Variants in PRKG1 observed in about 807,000 individuals in gnomAD.
PRKG1 encodes cGMP-dependent protein kinase 1.
PRKG1 carries 35 observed loss-of-function variants against 88.1 expected under a neutral mutation model. The observed-to-expected ratio is 0.40, with a 90% CI of 0.30 to 0.53. The LOEUF is 0.53. Among genes scored for constraint, PRKG1 ranks in the 20% least tolerant of loss-of-function variants. PRKG1 has a pLI of 0.59. For synonymous variants in PRKG1, 303 were observed against 292.5 expected (o/e 1.04, Z -0.37); for missense variants, 540 against 839.8 (o/e 0.64, Z 4.41).
intron 7 of PRKG1, among the ~76,000 whole-genome samples, chr10:52,092,260 T>G (rs1234202110): frequency 6.6e-6 from 1 of 152,174 alleles, no homozygotes; most frequent in Admixed American, 6.5e-5. Context: ...TGCTCCAGCC[T>G]ATTTATGTGT....
chr10:51,736,605 C>A (rs1371429914), intron 3 of PRKG1, among the ~76,000 whole-genome samples: 1 of 137,688 alleles, frequency 7.3e-6, no homozygotes, highest in South Asian at 2.3e-4. Flanking sequence ...ATCCATCTTA[C>A]TTTTTTTTTT....
chr10:51,210,037 TA>T (rs1247639976), intron 2 of PRKG1, among the ~76,000 whole-genome samples: 1 of 151,972 alleles, frequency 6.6e-6, no homozygotes, highest in Non-Finnish European at 1.5e-5. Context: ...TTTCTCGCAA[TA>T]AAAAAATGAG....
intron 3 of PRKG1, among the ~76,000 whole-genome samples, chr10:51,773,199 A>G (rs1001628231): frequency 6.6e-6 from 1 of 152,080 alleles, no homozygotes. Flanking sequence ...GATTTATGCT[A>G]TAGTTGACTT....
intron 8 of PRKG1, among the ~76,000 whole-genome samples, chr10:52,148,256 A>G (rs1243646505): frequency 1.3e-5 from 2 of 152,132 alleles, no homozygotes; most frequent in African/African-American, 2.4e-5. Context: ...TGCTACTGTT[A>G]TCTTAGTGGG....
chr10:52,129,341 A>G (rs776302132), intron 7 of PRKG1, among the ~76,000 whole-genome samples: 1 of 152,220 alleles, frequency 6.6e-6, no homozygotes, highest in Non-Finnish European at 1.5e-5. Flanking sequence ...GACCCATAAA[A>G]GATATAAACA....
At position 51,979,410 on chromosome 10, in the gene PRKG1, G is replaced by GTTTTTTTTTTTTTTTT. The variant is rs61150252; in HGVS notation, c.762+71849_762+71864dup. ...CAATATTCATCATGGATATTGGTCT[G>GTTTTTTTTTTTTTTTT]TTTTTTTTTTTTTTTTTTTTTTTTC... On this transcript the variant is annotated intron_variant, in intron 5 of 17. Transcript: ENST00000373980. Among the ~76,000 whole-genome samples the GTTTTTTTTTTTTTTTT allele has an allele frequency of 5.4e-3, 253 of 47,058 alleles. 37 individuals are homozygous for GTTTTTTTTTTTTTTTT. The highest frequency in any genetic ancestry group is 0.038 in the Middle Eastern group (1 of 26). The allele number at this position is 47,058 out of a possible 152,430, so 30.9% of individuals were successfully genotyped here.
At chr10:51,647,514 T>C (rs143375985) in intron 3 of PRKG1, among the ~76,000 whole-genome samples, 130 of 152,318 alleles carry the variant, frequency 8.5e-4, no homozygotes, top group African/African-American at 2.9e-3. Context: ...ATTTATCGTT[T>C]TTGTATCTCC....
chr10:51,194,691 C>T (rs563864380), intron 2 of PRKG1, among the ~76,000 whole-genome samples: 31 of 152,106 alleles, frequency 2.0e-4, no homozygotes, highest in African/African-American at 7.5e-4. Flanking sequence ...GATGCTATAA[C>T]AGAATACTAC....
chr10:51,155,668 G>A (rs1846189497), intron 2 of PRKG1, among the ~76,000 whole-genome samples: 1 of 151,996 alleles, frequency 6.6e-6, no homozygotes, highest in Non-Finnish European at 1.5e-5. Flanking sequence ...TTGTTTATGT[G>A]ATTGTGGAGG....
chr10:51,045,442 C>T (rs1034171702), intron 1 of PRKG1, among the ~76,000 whole-genome samples: 6 of 152,102 alleles, frequency 3.9e-5, no homozygotes, highest in Non-Finnish European at 8.8e-5. Flanking sequence ...CTGCCTCAGC[C>T]TCCCCAAGTA....
intron 2 of PRKG1, among the ~76,000 whole-genome samples, chr10:51,463,242 C>G (rs1313799878): frequency 6.6e-6 from 1 of 151,676 alleles, no homozygotes; most frequent in African/African-American, 2.4e-5. Context: ...CAATGAAGAC[C>G]ATCAGTAAAC....
chr10:51,594,059 C>T (rs1261598790), intron 3 of PRKG1, among the ~76,000 whole-genome samples: 1 of 151,944 alleles, frequency 6.6e-6, no homozygotes, highest in East Asian at 1.9e-4. Context: ...GGGTCTTACT[C>T]TGTTGGCTAG....
At chr10:51,265,209 T>TTAA (rs2132166227) in intron 2 of PRKG1, among the ~76,000 whole-genome samples, 1 of 152,222 alleles carries the variant, frequency 6.6e-6, no homozygotes, top group East Asian at 1.9e-4. Context: ...GGTATATAAG[T>TTAA]TAATTAATTT....
intron 2 of PRKG1, among the ~76,000 whole-genome samples, chr10:51,216,020 A>G (rs897979290): frequency 6.6e-6 from 1 of 152,230 alleles, no homozygotes; most frequent in African/African-American, 2.4e-5. Flanking sequence ...GCAAATATTA[A>G]GTGCCAAGGC....
chr10:52,049,233 G>C (rs1454819293), intron 5 of PRKG1, among the ~76,000 whole-genome samples: 1 of 152,110 alleles, frequency 6.6e-6, no homozygotes, highest in Non-Finnish European at 1.5e-5. Context: ...CCAGAAAAAG[G>C]CTTTATGAGG....
intron 3 of PRKG1, among the ~76,000 whole-genome samples, chr10:51,619,352 C>T (rs986331023): frequency 2.6e-5 from 4 of 152,134 alleles, no homozygotes; most frequent in Non-Finnish European, 4.4e-5. Flanking sequence ...TTGATATTAG[C>T]AGGCCCATTT....
At chr10:51,035,170 T>G (rs1309996969) in intron 1 of PRKG1, among the ~76,000 whole-genome samples, 1 of 152,142 alleles carries the variant, frequency 6.6e-6, no homozygotes, top group East Asian at 1.9e-4. Context: ...GGATGAGCAA[T>G]GCAATCTTAA....
At chr10:51,392,383 A>G (rs1019985069) in intron 2 of PRKG1, among the ~76,000 whole-genome samples, 3 of 152,064 alleles carry the variant, frequency 2.0e-5, no homozygotes, top group African/African-American at 7.2e-5. Context: ...CACATCTTGC[A>G]CCGCCCTTAA....
chr10:51,340,956 T>C (rs756164493), intron 2 of PRKG1, among the ~76,000 whole-genome samples: 7 of 152,156 alleles, frequency 4.6e-5, no homozygotes, highest in Non-Finnish European at 8.8e-5. Context: ...AGCTTGTTGA[T>C]AGAAAAAAAT....
Sources: allele counts gnomAD v4.1 joint callset (sites outside exome capture counted in the v4.1 genomes callset), GRCh38; gene constraint gnomAD v4.1.1; transcripts MANE v1.5; gene names NCBI Gene and HGNC (gene_info 2026-07-23, HGNC 2026-07-21).